The following HSPA12A variants were observed in gnomAD, a reference collection of about 807,000 sequenced individuals.
HSPA12A encodes the protein heat shock 70 kDa protein 12A.
A neutral mutation model predicts 69.2 loss-of-function variants in HSPA12A; 28 were observed. The ratio of observed to expected loss-of-function variants is 0.40; its 90% CI spans 0.30 to 0.55. The LOEUF is 0.55. HSPA12A is among the 20% of genes least tolerant of loss of function. HSPA12A has a pLI of 0.38. For synonymous variants in HSPA12A, 345 were observed against 370.5 expected (o/e 0.93, Z 0.79); for missense variants, 686 against 900.7 (o/e 0.76, Z 3.05).
chr10:116,682,780 A>G (rs1392817194), intron 7 of HSPA12A, among the ~76,000 whole-genome samples: 2 of 151,752 alleles, frequency 1.3e-5, no homozygotes, highest in Non-Finnish European at 1.5e-5. Flanking sequence ...GGCTCACTGC[A>G]AGCTCCGCCT....
intron 1 of HSPA12A, among the ~76,000 whole-genome samples, chr10:116,846,408 G>A (rs1183796858): frequency 1.3e-5 from 2 of 150,630 alleles, no homozygotes; most frequent in Admixed American, 1.3e-4. Context: ...GGAGCACAGT[G>A]GCACAATCTC....
intron 1 of HSPA12A, among the ~76,000 whole-genome samples, chr10:116,707,705 C>CA (rs1554882676): frequency 6.6e-6 from 1 of 152,206 alleles, no homozygotes; most frequent in Non-Finnish European, 1.5e-5. Flanking sequence ...AGAGCATCTA[C>CA]AGCCCTCGGG....
At chr10:116,790,293 C>T (rs986782396) in intron 2 of HSPA12A, among the ~76,000 whole-genome samples, 1 of 151,630 alleles carries the variant, frequency 6.6e-6, no homozygotes, top group African/African-American at 2.4e-5. Context: ...TTAGTAAAGA[C>T]GGGGTTTCAC....
At chr10:116,802,573 G>A (rs1185045512) in intron 2 of HSPA12A, among the ~76,000 whole-genome samples, 1 of 152,158 alleles carries the variant, frequency 6.6e-6, no homozygotes, top group African/African-American at 2.4e-5. Flanking sequence ...ATGAGAATGT[G>A]TTACTTTTAT....
chr10:116,847,530 AC>A (rs1845913373), intron 1 of HSPA12A, among the ~76,000 whole-genome samples: 1 of 151,878 alleles, frequency 6.6e-6, no homozygotes, highest in Admixed American at 6.6e-5. Context: ...CTACTTTTCC[AC>A]CCTATTTCTC....
At position 116,674,186 on chromosome 10, in the gene HSPA12A, T is replaced by C. The variant is rs1195942467; in HGVS notation, c.*595A>G. 2 of 154,440 alleles carry C rather than the reference T, an allele frequency of 1.3e-5. No homozygotes were observed. Among genetic ancestry groups the C allele is most frequent in the Non-Finnish European group, 2.9e-5 (2 of 69,474 alleles). 9.6% of individuals were successfully genotyped at this position (154,440 alleles called of 1,614,324 possible). Reference sequence around the variant, plus strand: ...TTCTTCCCTGAACCTCCTTGCTGTTTAAATGATATGAGAATCTAAAACAGT... The same window carrying C: ...TTCTTCCCTGAACCTCCTTGCTGTTCAAATGATATGAGAATCTAAAACAGT... On this transcript the variant is annotated 3_prime_UTR_variant, in exon 12 of 12. Coordinates refer to ENST00000369209, the MANE Select transcript of HSPA12A (RefSeq NM_025015.3).
At chr10:116,824,958 C>A (rs546340935) in intron 2 of HSPA12A, among the ~76,000 whole-genome samples, 1 of 151,288 alleles carries the variant, frequency 6.6e-6, no homozygotes, top group Admixed American at 6.6e-5. Context: ...AAGGCCGAGG[C>A]AGGCAGATCA....
In HSPA12A at chr10:116,673,530, A is replaced by G. The variant is rs1486125520; in HGVS notation, c.*1251T>C. ...TCAGTTGAACCACGATGTGGTATAC[A>G]CTACAAATGCAGATTCTGGTGCCCC... is the stretch of plus-strand genomic sequence containing the variant. On this transcript the variant is annotated 3_prime_UTR_variant, in exon 12 of 12. Transcript: ENST00000369209. 3 of 152,202 alleles carry G rather than the reference A, an allele frequency of 2.0e-5. No homozygotes were observed. The highest frequency in any genetic ancestry group is 7.2e-5 in the African/African-American group (3 of 41,460). 9.4% of individuals were successfully genotyped at this position (152,202 alleles called of 1,614,324 possible). A position where few individuals can be genotyped will look rare whatever the true frequency, so the allele number is the denominator to read the frequency against.
chr10:116,735,362 G>C (rs889777946), intron 1 of HSPA12A, among the ~76,000 whole-genome samples: 5 of 152,200 alleles, frequency 3.3e-5, no homozygotes, highest in South Asian at 2.1e-4. Flanking sequence ...ATCTGAGCTG[G>C]CTTCAAGACT....
At chr10:116,688,614 G>C (rs1391508134) in intron 6 of HSPA12A, among the ~76,000 whole-genome samples, 1 of 152,218 alleles carries the variant, frequency 6.6e-6, no homozygotes, top group Non-Finnish European at 1.5e-5. Flanking sequence ...GCTGGTCTGC[G>C]GTCAGGCTAC....
At chr10:116,849,909 G>GAGATCCCTTCACCCC, upstream of HSPA12A, 2 of 772,318 alleles carry the variant, frequency 2.6e-6, no homozygotes, top group Non-Finnish European at 4.5e-6. Context: ...ACACCCAGGG[G>GAGATCCCTTCACCCC]TGAAGGGATC....
chr10:116,754,045 C>T (rs903609710), intron 2 of HSPA12A, among the ~76,000 whole-genome samples: 10 of 152,188 alleles, frequency 6.6e-5, no homozygotes, highest in Admixed American at 2.0e-4. Context: ...AGACACGGGC[C>T]GGGCCTTCCT....
intron 5 of HSPA12A, among the ~76,000 whole-genome samples, chr10:116,695,372 C>T (rs759032485): frequency 6.6e-5 from 10 of 152,122 alleles, no homozygotes; most frequent in African/African-American, 2.2e-4. Context: ...GTCTCAGGAA[C>T]GGATTTTTGC....
At chr10:116,810,011 A>C (rs1485395494) in intron 2 of HSPA12A, among the ~76,000 whole-genome samples, 1 of 152,122 alleles carries the variant, frequency 6.6e-6, no homozygotes. Flanking sequence ...GAGGTGGAAA[A>C]CAACCGAAGC....
At chr10:116,786,180 T>C (rs2133144819) in intron 2 of HSPA12A, among the ~76,000 whole-genome samples, 1 of 152,238 alleles carries the variant, frequency 6.6e-6, no homozygotes, top group South Asian at 2.1e-4. Context: ...AGCAGTGGGG[T>C]TGCATGGAAG....
At chr10:116,742,652 G>A (rs1851554122), upstream of HSPA12A, 1 of 979,596 alleles carries the variant, frequency 1.0e-6, no homozygotes, top group Admixed American at 5.8e-5. Flanking sequence ...GGCCCGCCCG[G>A]CGCCCCGCCC....
At position 116,815,524 on chromosome 10, in the gene HSPA12A, G is replaced by A. The variant is rs115725895; in HGVS notation, c.91+19411C>T. ...CAGGACACGGAGATGGCAGTGAGCC[G>A]AGATCACGTCACTGCACTCCAGCCT... On this transcript the variant is annotated intron_variant, in intron 2 of 12. Transcript: ENST00000635765. 4.4e-3 allele frequency among the ~76,000 whole-genome samples: 668 copies of A among 152,304 alleles called. 4 individuals are homozygous for A. Among genetic ancestry groups the A allele is most frequent in the African/African-American group, 0.015 (638 of 41,572 alleles).
At chr10:116,701,207 T>A in intron 3 of HSPA12A, 78 bp from the exon 4 acceptor site, 1 of 1,376,280 alleles carries the variant, frequency 7.3e-7, no homozygotes, top group Non-Finnish European at 1.0e-6. Context: ...GAACACCTAC[T>A]GTATGCATGA....
chr10:116,778,406 A>C (rs1844388900), intron 2 of HSPA12A, among the ~76,000 whole-genome samples: 3 of 152,198 alleles, frequency 2.0e-5, no homozygotes, highest in Admixed American at 2.0e-4. Context: ...GCAGTTCTTC[A>C]AAGCAGGCAG....
Sources: allele counts gnomAD v4.1 joint callset (sites outside exome capture counted in the v4.1 genomes callset), GRCh38; gene constraint gnomAD v4.1.1; transcripts MANE v1.5; gene names NCBI Gene and HGNC (gene_info 2026-07-23, HGNC 2026-07-21).